FBXO25: variants seen among roughly 807,000 people sequenced by gnomAD.
FBXO25 encodes the protein F-box only protein 25.
A neutral mutation model predicts 51.9 loss-of-function variants in FBXO25; 45 were observed. The ratio of observed to expected loss-of-function variants is 0.87; its 90% CI spans 0.68 to 1.11. The LOEUF is 1.11. Ranked by LOEUF, FBXO25 falls within the 50% of genes most tolerant of loss-of-function variation. FBXO25 has a pLI of 0.00. For missense variants in FBXO25, 507 were observed against 428.5 expected, an observed-to-expected ratio of 1.18 and a Z score of -1.62; for synonymous variants, 199 against 151.0, an observed-to-expected ratio of 1.32 and a Z score of -2.33.
chr8:453,513 C>T (rs1055678939), intron 7 of FBXO25, among the ~76,000 whole-genome samples: 1 of 152,128 alleles, frequency 6.6e-6, no homozygotes, highest in South Asian at 2.1e-4. Flanking sequence ...TTTACCAGCT[C>T]AGTTAACTGA....
At chr8:409,531 C>T (rs1796368607) in intron 1 of FBXO25, among the ~76,000 whole-genome samples, 1 of 152,128 alleles carries the variant, frequency 6.6e-6, no homozygotes, top group Non-Finnish European at 1.5e-5. Flanking sequence ...TTAATGGAAA[C>T]AGTAGGCAGG....
At chr8:447,966 G>T (rs1563085819) in intron 5 of FBXO25, among the ~76,000 whole-genome samples, 2 of 152,136 alleles carry the variant, frequency 1.3e-5, no homozygotes, top group African/African-American at 4.8e-5. Context: ...AGAGGCGAAG[G>T]TGGGATTGGA....
At position 432,187 on chromosome 8, in the gene FBXO25, A is replaced by G. The variant is rs1276003151; in HGVS notation, c.239-699A>G. ...TAAATACAAGCACTGTGATATCTCAACAGGTGATCCGATAACCAAGACGGC... is the reference window on the plus strand; with the variant it reads ...TAAATACAAGCACTGTGATATCTCAGCAGGTGATCCGATAACCAAGACGGC... On this transcript the variant is annotated intron_variant, in intron 3 of 9. Coordinates refer to ENST00000350302, the MANE Select transcript of FBXO25 (RefSeq NM_183420.2). Among the ~76,000 whole-genome samples the G allele has an allele frequency of 4.6e-5, 7 of 152,194 alleles. No homozygotes were observed. The East Asian group carries it at 5.8e-4, about 13-fold the overall frequency.
intron 2 of FBXO25, among the ~76,000 whole-genome samples, chr8:426,850 C>T (rs1312704691): frequency 7.8e-6 from 1 of 127,868 alleles, no homozygotes; most frequent in South Asian, 2.6e-4. Flanking sequence ...TCTGCTGCTC[C>T]CTTCATGTAA....
chr8:435,855 G>C (rs1798073574), intron 5 of FBXO25, 148 bp downstream of exon 5: 2 of 1,189,240 alleles, frequency 1.7e-6, no homozygotes, highest in Non-Finnish European at 2.3e-6. Context: ...AAGGGAACAA[G>C]TTCAGGAGAA....
chr8:464,780 T>C (rs1037040738), intron 9 of FBXO25, among the ~76,000 whole-genome samples: 2 of 152,256 alleles, frequency 1.3e-5, no homozygotes. Context: ...ATATCAAAGG[T>C]AAACAGCATC....
chr8:459,169 C>G (rs1463552005), intron 8 of FBXO25, among the ~76,000 whole-genome samples: 2 of 152,224 alleles, frequency 1.3e-5, no homozygotes, highest in Non-Finnish European at 2.9e-5. Context: ...CACAGATGTC[C>G]AAGGCACCTG....
intron 7 of FBXO25, among the ~76,000 whole-genome samples, chr8:458,164 G>C (rs1011237266): frequency 1.3e-5 from 2 of 152,218 alleles, no homozygotes; most frequent in Admixed American, 1.3e-4. Flanking sequence ...GTTCTGTCAC[G>C]CTGTGCAGCC....
chr8:412,335 A>C (rs539781428), intron 1 of FBXO25, among the ~76,000 whole-genome samples: 1 of 152,280 alleles, frequency 6.6e-6, no homozygotes, highest in East Asian at 1.9e-4. Context: ...GACAGTCTTC[A>C]AGTACTGTTT....
At chr8:467,869 C>T in intron 9 of FBXO25, 1 of 1,581,290 alleles carries the variant, frequency 6.3e-7, no homozygotes, top group Non-Finnish European at 8.6e-7. Flanking sequence ...CTTGAGCTTT[C>T]TCAGGACCCT....
At chr8:430,041 C>T (rs997699002) in intron 2 of FBXO25, among the ~76,000 whole-genome samples, 1 of 152,242 alleles carries the variant, frequency 6.6e-6, no homozygotes, top group African/African-American at 2.4e-5. Flanking sequence ...CATGTTGGAG[C>T]TAAGCTGCAT....
At chr8:439,206 G>C (rs1453781397) in intron 5 of FBXO25, among the ~76,000 whole-genome samples, 3 of 152,142 alleles carry the variant, frequency 2.0e-5, no homozygotes, top group Non-Finnish European at 4.4e-5. Context: ...GGAGTCCTGG[G>C]CTTGCTTATA....
chr8:428,272 C>G (rs1335351918), intron 2 of FBXO25, among the ~76,000 whole-genome samples: 1 of 152,136 alleles, frequency 6.6e-6, no homozygotes, highest in Non-Finnish European at 1.5e-5. Context: ...GTGACGTATG[C>G]TGTGGTGCAG....
intron 3 of FBXO25, 95 bp from the exon 4 acceptor site, chr8:432,791 A>G (rs1797891349): frequency 1.5e-6 from 2 of 1,352,030 alleles, no homozygotes; most frequent in Admixed American, 3.4e-5. Context: ...AAGTCAGATA[A>G]TTTTGTTAAC....
intron 6 of FBXO25, 119 bp from the exon 7 acceptor site, chr8:451,150 T>C: frequency 1.3e-6 from 1 of 762,236 alleles, no homozygotes. Flanking sequence ...ATTGCATGTA[T>C]AGATCACACG....
chr8:438,586 T>C (rs573050543), intron 5 of FBXO25, among the ~76,000 whole-genome samples: 44 of 152,326 alleles, frequency 2.9e-4, no homozygotes, highest in African/African-American at 9.9e-4. Context: ...AGATGTCCTG[T>C]TGGAGGCATA....
At chr8:415,115 C>A (rs1210492138) in intron 2 of FBXO25, among the ~76,000 whole-genome samples, 3 of 152,236 alleles carry the variant, frequency 2.0e-5, no homozygotes, top group African/African-American at 4.8e-5. Context: ...CTTTCCCCCA[C>A]ATGTCTTTGA....
chr8:477,400 G>C lies in FBXO25; in HGVS notation c.*8596G>C, dbSNP rs1025587452. ...TGTAGAACTATCCATTTCTTCCTTT[G>C]ATTCTGTCAATGTTTGTTTCATATA... On this transcript the variant is annotated 3_prime_UTR_variant, in exon 10 of 10. Transcript: ENST00000350302. 1 of 152,196 alleles carries C rather than the reference G, an allele frequency of 6.6e-6. No homozygotes were observed. The highest frequency in any genetic ancestry group is 1.5e-5 in the Non-Finnish European group (1 of 68,036). The allele number at this position is 152,196 out of a possible 1,614,324, so 9.4% of individuals were successfully genotyped here.
At chr8:427,718 TAAAAC>T (rs1585029732) in intron 2 of FBXO25, among the ~76,000 whole-genome samples, 1 of 149,784 alleles carries the variant, frequency 6.7e-6, no homozygotes, top group African/African-American at 2.5e-5. Flanking sequence ...TAATAATTAT[TAAAAC>T]AAATCATTCA....
Sources: gnomAD v4.1 joint callset for allele counts (sites outside exome capture counted in the v4.1 genomes callset) on GRCh38, gnomAD v4.1.1 for gene constraint, MANE v1.5 for transcripts, NCBI Gene and HGNC (gene_info 2026-07-23, HGNC 2026-07-21) for gene names.